Variants in MIR2052HG observed in about 807,000 individuals in gnomAD.
MIR2052HG encodes the protein MIR2052 host gene.
intron 4 of MIR2052HG, among the ~76,000 whole-genome samples, chr8:74,735,910 A>T (rs1809740495): frequency 6.6e-6 from 1 of 152,240 alleles, no homozygotes; most frequent in South Asian, 2.1e-4. Context: ...ACAATAGGCA[A>T]TAGTCTTGCT....
intron 2 of MIR2052HG, among the ~76,000 whole-genome samples, chr8:74,695,212 G>T (rs2588304): frequency 0.21 from 32,167 of 152,058 alleles, 3,588 homozygotes; most frequent in Middle Eastern, 0.3. Flanking sequence ...GTGAAACTAA[G>T]CTTCATAAAT....
chr8:74,645,142 A>G (rs1442536325), intron 2 of MIR2052HG, among the ~76,000 whole-genome samples: 1 of 152,158 alleles, frequency 6.6e-6, no homozygotes, highest in Non-Finnish European at 1.5e-5. Flanking sequence ...GGGGTGGAAA[A>G]TTTAGATGGA....
At chr8:74,703,166 G>T (rs187330861) in intron 3 of MIR2052HG, among the ~76,000 whole-genome samples, 7 of 152,160 alleles carry the variant, frequency 4.6e-5, no homozygotes, top group Admixed American at 1.3e-4. Context: ...CTTGGGGATT[G>T]TTGGTAGCGT....
At chr8:74,684,202 C>A (rs566927350) in intron 2 of MIR2052HG, among the ~76,000 whole-genome samples, 9 of 152,146 alleles carry the variant, frequency 5.9e-5, no homozygotes, top group African/African-American at 2.2e-4. Flanking sequence ...CAGTGGCTTA[C>A]AATGGCAAGC....
intron 2 of MIR2052HG, among the ~76,000 whole-genome samples, chr8:74,682,677 A>G (rs949060550): frequency 1.1e-4 from 16 of 152,158 alleles, no homozygotes; most frequent in Admixed American, 2.6e-4. Context: ...GAGTGCTCCA[A>G]TGTTGCTGTG....
chr8:74,626,406 T>C (rs1808437425), intron 2 of MIR2052HG, among the ~76,000 whole-genome samples: 1 of 152,216 alleles, frequency 6.6e-6, no homozygotes, highest in Non-Finnish European at 1.5e-5. Context: ...AGTACAGGGA[T>C]TGGGCCATTT....
At chr8:74,747,109 G>C (rs1304326149) in intron 4 of MIR2052HG, among the ~76,000 whole-genome samples, 1 of 152,130 alleles carries the variant, frequency 6.6e-6, no homozygotes. Context: ...TGAACATCTA[G>C]ATAATTAAGA....
intron 2 of MIR2052HG, among the ~76,000 whole-genome samples, chr8:74,627,226 A>G (rs1205405659): frequency 6.6e-6 from 1 of 152,214 alleles, no homozygotes; most frequent in Non-Finnish European, 1.5e-5. Flanking sequence ...TCATACATTC[A>G]TAAGTACCAT....
intron 2 of MIR2052HG, among the ~76,000 whole-genome samples, chr8:74,634,771 A>G (rs1027052085): frequency 5.9e-5 from 9 of 152,140 alleles, no homozygotes; most frequent in Non-Finnish European, 2.9e-5. Flanking sequence ...CCACTACTTC[A>G]TAGGTATCGC....
chr8:74,745,011 T>TCTCAGCA (rs1171026589), intron 4 of MIR2052HG, among the ~76,000 whole-genome samples: 1 of 152,126 alleles, frequency 6.6e-6, no homozygotes, highest in Non-Finnish European at 1.5e-5. Context: ...ATTCCTGTAA[T>TCTCAGCA]CTCAGCACTG....
chr8:74,637,180 T>G (rs1808590480), intron 2 of MIR2052HG, among the ~76,000 whole-genome samples: 1 of 152,076 alleles, frequency 6.6e-6, no homozygotes, highest in Non-Finnish European at 1.5e-5. Flanking sequence ...TAGGAAGATG[T>G]GAAGGATCTG....
chr8:74,663,121 T>C (rs895254432), intron 2 of MIR2052HG, among the ~76,000 whole-genome samples: 1 of 152,194 alleles, frequency 6.6e-6, no homozygotes, highest in Non-Finnish European at 1.5e-5. Context: ...TTAGCATTAC[T>C]TATTCATAAA....
intron 5 of MIR2052HG, among the ~76,000 whole-genome samples, chr8:74,755,119 T>G (rs1809986342): frequency 6.6e-6 from 1 of 152,232 alleles, no homozygotes; most frequent in East Asian, 1.9e-4. Context: ...TAAATCATAA[T>G]AGCTCCTAAG....
intron 2 of MIR2052HG, among the ~76,000 whole-genome samples, chr8:74,690,806 A>C (rs934568566): frequency 6.6e-6 from 1 of 152,164 alleles, no homozygotes; most frequent in Non-Finnish European, 1.5e-5. Flanking sequence ...CATCGAAGGC[A>C]ATAAATGGAA....
intron 4 of MIR2052HG, among the ~76,000 whole-genome samples, chr8:74,743,497 G>A (rs1809852818): frequency 1.3e-5 from 2 of 152,152 alleles, no homozygotes; most frequent in Admixed American, 6.6e-5. Context: ...ATAAAGAAGG[G>A]AAGTGTAATC....
chr8:74,666,817 T>C (rs764582884), intron 2 of MIR2052HG, among the ~76,000 whole-genome samples: 1 of 152,148 alleles, frequency 6.6e-6, no homozygotes. Context: ...TATAAAACCT[T>C]TGTATTGCCT....
intron 4 of MIR2052HG, among the ~76,000 whole-genome samples, chr8:74,704,471 A>G (rs1809388685): frequency 6.6e-6 from 1 of 152,084 alleles, no homozygotes; most frequent in South Asian, 2.1e-4. Context: ...TCATCTGGCC[A>G]TAGGAGATCC....
At chr8:74,624,123 T>C (rs11987436) in intron 2 of MIR2052HG, among the ~76,000 whole-genome samples, 1 of 152,124 alleles carries the variant, frequency 6.6e-6, no homozygotes, top group Admixed American at 6.5e-5. Flanking sequence ...TCAGCAAAGA[T>C]AGAAATCATG....
intron 2 of MIR2052HG, among the ~76,000 whole-genome samples, chr8:74,661,089 C>A (rs1043061563): frequency 2.0e-5 from 3 of 152,072 alleles, no homozygotes; most frequent in Non-Finnish European, 4.4e-5. Context: ...ACTGAAAGAA[C>A]AGCAAGTGAA....
Sources: gnomAD v4.1 joint callset for allele counts (sites outside exome capture counted in the v4.1 genomes callset) on GRCh38, gnomAD v4.1.1 for gene constraint, MANE v1.5 for transcripts, NCBI Gene and HGNC (gene_info 2026-07-23, HGNC 2026-07-21) for gene names.